The following ANKRD27 variants were observed in gnomAD, a reference collection of about 807,000 sequenced individuals.
ANKRD27 encodes the protein ankyrin repeat domain-containing protein 27.
In ANKRD27, 112 loss-of-function variants were observed where a neutral mutation model predicts 129.7. The observed-to-expected ratio is 0.86, with a 90% confidence interval of 0.74 to 1.01. The LOEUF is 1.01. Ranked by LOEUF, ANKRD27 falls within the 50% of genes least tolerant of loss-of-function variation. The pLI is 0.00. For missense variants in ANKRD27, 1,258 were observed against 1,300.5 expected, an observed-to-expected ratio of 0.97 and a Z score of 0.50; for synonymous variants, 516 against 511.2, an observed-to-expected ratio of 1.01 and a Z score of -0.13.
intron 12 of ANKRD27, chr19:32,636,402 T>G (rs1400561280): frequency 2.0e-5 from 3 of 152,426 alleles, no homozygotes; most frequent in African/African-American, 7.3e-5. Context: ...TGCAGCTATG[T>G]AGCAGTTAAG....
intron 1 of ANKRD27, among the ~76,000 whole-genome samples, chr19:32,674,335 G>T (rs1967935441): frequency 6.6e-6 from 1 of 152,062 alleles, no homozygotes; most frequent in East Asian, 1.9e-4. Flanking sequence ...AGCAGCCCTC[G>T]TTCCCTGCAT....
At position 32,638,784 on chromosome 19, in the gene ANKRD27, C is replaced by G. The variant is rs553965573; in HGVS notation, c.1116+572G>C. 247 of 156,334 alleles carry G rather than the reference C, an allele frequency of 1.6e-3. 1 individual carries two copies. Among genetic ancestry groups the G allele is most frequent in the Non-Finnish European group, 2.6e-3 (181 of 70,924 alleles). 9.7% of individuals were successfully genotyped at this position (156,334 alleles called of 1,614,324 possible). ...AGCAACTTGGAGCTGCCCACCCCACCTCAGTCGGCACACCTGGTTGTGTGC... is the reference window on the plus strand; with the variant it reads ...AGCAACTTGGAGCTGCCCACCCCACGTCAGTCGGCACACCTGGTTGTGTGC... On this transcript the variant is annotated intron_variant, in intron 12 of 28. Coordinates refer to ENST00000306065, the MANE Select transcript of ANKRD27 (RefSeq NM_032139.3).
chr19:32,618,809 G>A lies in ANKRD27; in HGVS notation c.2007+451C>T, dbSNP rs1188734033. On this transcript the variant is annotated intron_variant, in intron 20 of 28. Transcript: ENST00000306065. ...GCCTGTAATCCCAGTTACTTGGGAGGCTGAGGCAGGAGAATTGCTTGAACC... is the reference window on the plus strand; with the variant it reads ...GCCTGTAATCCCAGTTACTTGGGAGACTGAGGCAGGAGAATTGCTTGAACC... Among the ~76,000 whole-genome samples the A allele has an allele frequency of 2.0e-5, 3 of 152,110 alleles. No individual in the cohort carries two copies. The East Asian group carries it at 5.8e-4, about 29-fold the overall frequency.
At chr19:32,666,763 C>A (rs969026557) in intron 1 of ANKRD27, among the ~76,000 whole-genome samples, 1 of 151,354 alleles carries the variant, frequency 6.6e-6, no homozygotes, top group African/African-American at 2.4e-5. Flanking sequence ...CCTGCTGCCT[C>A]AGCCTCCCTC....
chr19:32,639,265 A>C, intron 12 of ANKRD27, 91 bp downstream of exon 12: 1 of 1,498,112 alleles, frequency 6.7e-7, no homozygotes. Flanking sequence ...AGGCAATTTA[A>C]GAATCCGTCT....
At chr19:32,631,646 G>A (rs1303085070) in intron 12 of ANKRD27, 152 bp from the exon 13 acceptor site, 31 of 664,464 alleles carry the variant, frequency 4.7e-5, no homozygotes, top group South Asian at 2.0e-4. Flanking sequence ...GACGGAGGAC[G>A]GGCTGACGTC....
chr19:32,662,801 G>C (rs974564926), intron 1 of ANKRD27, among the ~76,000 whole-genome samples: 3 of 152,124 alleles, frequency 2.0e-5, no homozygotes, highest in Middle Eastern at 3.4e-3. Context: ...TCAACACTTT[G>C]GGAGGCCTAG....
At chr19:32,624,386 A>G (rs1353932763) in intron 17 of ANKRD27, among the ~76,000 whole-genome samples, 1 of 151,514 alleles carries the variant, frequency 6.6e-6, no homozygotes, top group Non-Finnish European at 1.5e-5. Context: ...AAAAAAAAGA[A>G]TGTGCTAGAT....
chr19:32,619,477 C>A lies in ANKRD27; in HGVS notation c.1887+17G>T. 1 of 1,614,140 alleles carries A rather than the reference C, an allele frequency of 6.2e-7. No individual in the cohort carries two copies. Among genetic ancestry groups the A allele is most frequent in the South Asian group, 1.1e-5 (1 of 91,072 alleles). ...GGTCTCCAAGGTAACCTGACCTGCT[C>A]AGCCCGGCTGACTTACCTCGGACGA... On this transcript the variant is annotated intron_variant, in intron 19 of 28. Coordinates refer to ENST00000306065, the MANE Select transcript of ANKRD27 (RefSeq NM_032139.3).
At chr19:32,624,970 A>C (rs559555816) in intron 17 of ANKRD27, among the ~76,000 whole-genome samples, 1 of 152,236 alleles carries the variant, frequency 6.6e-6, no homozygotes, top group East Asian at 1.9e-4. Flanking sequence ...AAAGTAAAAA[A>C]TAAAGGCCAG....
intron 1 of ANKRD27, among the ~76,000 whole-genome samples, chr19:32,666,917 G>T (rs1276578712): frequency 6.6e-6 from 1 of 152,128 alleles, no homozygotes; most frequent in Non-Finnish European, 1.5e-5. Flanking sequence ...AAAGTGCTGG[G>T]ATTACAGGCG....
chr19:32,662,009 T>A (rs1224047208), intron 1 of ANKRD27, among the ~76,000 whole-genome samples: 1 of 152,050 alleles, frequency 6.6e-6, no homozygotes, highest in Non-Finnish European at 1.5e-5. Context: ...ACTTCACTAT[T>A]CCCCCATCAG....
In ANKRD27 at chr19:32,625,920, T is replaced by C. The variant is rs1420530851; in HGVS notation, c.1583A>G (p.Asn528Ser). Residue 528 changes from asparagine to serine, a missense_variant, in exon 17 of 29, where the codon AAT becomes AGT. Physicochemically the swap from Asn to Ser is conservative, Grantham distance 46 (BLOSUM62 1). Coordinates refer to ENST00000306065, the MANE Select transcript of ANKRD27 (RefSeq NM_032139.3). ...GGCCAGGTGGAGTGGCGTATTCCCA[T>C]TGTTGTCCTGCACTTCCGCGCTGGC... Reference protein sequence around the residue: ...YKASAEVQDNNGNTPLHLACT... With the variant: ...YKASAEVQDNSGNTPLHLACT... 8.1e-6 allele frequency: 13 copies of C among 1,611,776 alleles called. No homozygotes were observed. The highest frequency in any genetic ancestry group is 1.3e-5 in the African/African-American group (1 of 74,856).
At position 32,656,703 on chromosome 19, in the gene ANKRD27, T is replaced by C. The variant is rs1340728238; in HGVS notation, c.102+2211A>G. On this transcript the variant is annotated intron_variant, in intron 2 of 28. Coordinates refer to ENST00000306065, the MANE Select transcript of ANKRD27 (RefSeq NM_032139.3). ...GGGAGGCTGAGGCAGAAGGACTGCT[T>C]GAGTCTAGAGGTTTGAGGCTGCAGT... is the stretch of plus-strand genomic sequence containing the variant. Among the ~76,000 whole-genome samples the C allele has an allele frequency of 2.0e-5, 3 of 151,698 alleles. No individual in the cohort carries two copies. The South Asian group carries it at 6.2e-4, about 31-fold the overall frequency.
chr19:32,625,907 T>A lies in ANKRD27; in HGVS notation c.1596A>T (p.Pro532=). The change falls in exon 17 of 29, where the codon CCA becomes CCT. Residue 532 remains proline (P), a synonymous_variant. Transcript: ENST00000306065. ...AEVQDNNGNT[P]LHLACTYGHE... ...GGCCGTAGGTGCAGGCCAGGTGGAGTGGCGTATTCCCATTGTTGTCCTGCA... is the reference window on the plus strand; with the variant it reads ...GGCCGTAGGTGCAGGCCAGGTGGAGAGGCGTATTCCCATTGTTGTCCTGCA... 6.2e-7 allele frequency: 1 copy of A among 1,608,774 alleles called. No homozygotes were observed. The highest frequency in any genetic ancestry group is 2.2e-5 in the East Asian group (1 of 44,494).
intron 1 of ANKRD27, chr19:32,672,829 C>G (rs914570453): frequency 6.6e-6 from 1 of 152,480 alleles, no homozygotes; most frequent in African/African-American, 2.4e-5. Flanking sequence ...GCTCTAGGGC[C>G]GCTTCTCAGT....
At chr19:32,628,613 G>C in intron 14 of ANKRD27, 109 bp downstream of exon 14, 1 of 1,387,060 alleles carries the variant, frequency 7.2e-7, no homozygotes. Flanking sequence ...GCAGCTGGGG[G>C]GCAGGGAGGA....
chr19:32,646,595 G>C lies in ANKRD27; in HGVS notation c.234C>G (p.Asn78Lys). 6.2e-7 allele frequency: 1 copy of C among 1,613,172 alleles called. No individual in the cohort carries two copies. The highest frequency in any genetic ancestry group is 8.5e-7 in the Non-Finnish European group (1 of 1,179,756). The change falls in exon 4 of 29, where the codon AAC becomes AAG. Residue 78 changes from asparagine (N) to lysine (K), a missense_variant. Coordinates refer to ENST00000306065, the MANE Select transcript of ANKRD27 (RefSeq NM_032139.3). ...CAAAACCAGCTCCTAATTTAATCCTGTTCCCTTGAATAAAGACATCCTGGA... is the reference window on the plus strand; with the variant it reads ...CAAAACCAGCTCCTAATTTAATCCTCTTCCCTTGAATAAAGACATCCTGGA... ...LNGKDVFIQG[N>K]RIKLGAGFAC...
At chr19:32,661,247 AC>A (rs1568419975) in intron 1 of ANKRD27, among the ~76,000 whole-genome samples, 6 of 40,508 alleles carry the variant, frequency 1.5e-4, no homozygotes, top group Non-Finnish European at 1.0e-3. Context: ...ACACACACAC[AC>A]ACATATACTC....
Sources: allele counts gnomAD v4.1 joint callset (sites outside exome capture counted in the v4.1 genomes callset), GRCh38; gene constraint gnomAD v4.1.1; transcripts MANE v1.5; gene names NCBI Gene and HGNC (gene_info 2026-07-23, HGNC 2026-07-21).